COMMD10: variants seen among roughly 807,000 people sequenced by gnomAD.
The protein encoded by COMMD10 is COMM domain containing 10, also known as COMM domain-containing protein 10.
COMMD10 carries 33 observed loss-of-function variants against 28.9 expected under a neutral mutation model. The observed-to-expected ratio is 1.14, with a 90% CI of 0.87 to 1.53. The LOEUF (loss-of-function observed/expected upper bound fraction) is 1.53. Ranked by LOEUF, COMMD10 falls within the 40% of genes most tolerant of loss-of-function variation. The pLI is 0.00. For synonymous variants in COMMD10, 110 were observed against 81.7 expected, an observed-to-expected ratio of 1.35 and a Z score of -1.87; for missense variants, 310 against 233.4, an observed-to-expected ratio of 1.33 and a Z score of -2.14.
intron 5 of COMMD10, among the ~76,000 whole-genome samples, chr5:116,221,593 G>GA (rs1361144776): frequency 6.6e-6 from 1 of 152,184 alleles, no homozygotes; most frequent in Non-Finnish European, 1.5e-5. Context: ...ATGCTGTGAA[G>GA]AAAAGGTCTT....
At chr5:116,201,023 CA>C (rs1303508684) in intron 5 of COMMD10, among the ~76,000 whole-genome samples, 1 of 152,108 alleles carries the variant, frequency 6.6e-6, no homozygotes, top group Non-Finnish European at 1.5e-5. Context: ...CTGTGAATTT[CA>C]CAAGTGCTTC....
Position 116,138,263 on chromosome 5 carries a change from T to C in COMMD10, c.510+4085T>C, listed in dbSNP as rs536272339. On this transcript the variant is annotated intron_variant, in intron 5 of 6. Coordinates refer to ENST00000274458, the MANE Select transcript of COMMD10 (RefSeq NM_016144.4). The stretch of plus-strand genomic sequence containing the variant: ...GAAATATATTAAAAGCTTTCTACAT[T>C]ATTGACTTTTTTGTTACATTCTGTC... Among the ~76,000 whole-genome samples the C allele has an allele frequency of 4.6e-5, 7 of 152,016 alleles. No individual in the cohort carries two copies. The East Asian group carries it at 1.3e-3, about 29-fold the overall frequency.
In COMMD10 at chr5:116,292,455, A is replaced by G. The variant is rs148262275; in HGVS notation, c.575A>G (p.Glu192Gly). The part of the protein sequence containing the change: ...KELFDFYNKL[E>G]TIQAQLDSLT Reference sequence around the variant, plus strand: ...TTTTTTTGTCTTTGTAAATAGCTAGAGACTATACAAGCACAGCTGGATTCC... The same window carrying G: ...TTTTTTTGTCTTTGTAAATAGCTAGGGACTATACAAGCACAGCTGGATTCC... Residue 192 changes from glutamate (E) to glycine (G), a missense_variant, in exon 7 of 7, where the codon GAG (glutamate) becomes GGG (glycine). Glu to Gly is a moderately conservative substitution (Grantham distance 98). Coordinates refer to ENST00000274458, the MANE Select transcript of COMMD10 (RefSeq NM_016144.4). 18 of 1,545,562 alleles carry G rather than the reference A, an allele frequency of 1.2e-5. No individual in the cohort carries two copies. In the African/African-American group the frequency reaches 2.3e-4, roughly 20 times the overall value.
chr5:116,216,756 G>A (rs4513731), intron 5 of COMMD10, among the ~76,000 whole-genome samples: 2 of 151,906 alleles, frequency 1.3e-5, no homozygotes, highest in Non-Finnish European at 1.5e-5. Flanking sequence ...GGATGGTCTC[G>A]ATCTCTTGAC....
At chr5:116,274,628 C>G (rs532414148) in intron 5 of COMMD10, among the ~76,000 whole-genome samples, 2 of 151,902 alleles carry the variant, frequency 1.3e-5, no homozygotes, top group East Asian at 3.9e-4. Context: ...CAGTAACATT[C>G]TCATCATTGA....
chr5:116,234,619 G>C (rs1749614256), intron 5 of COMMD10, among the ~76,000 whole-genome samples: 1 of 152,178 alleles, frequency 6.6e-6, no homozygotes. Context: ...AGAAACCATT[G>C]AAGTGTCCAG....
intron 5 of COMMD10, among the ~76,000 whole-genome samples, chr5:116,209,786 A>G (rs1748912263): frequency 6.6e-6 from 1 of 152,108 alleles, no homozygotes; most frequent in African/African-American, 2.4e-5. Flanking sequence ...TTTTGGACAG[A>G]TCTATTTGGC....
At chr5:116,284,076 G>A (rs1234766875) in intron 5 of COMMD10, among the ~76,000 whole-genome samples, 1 of 151,788 alleles carries the variant, frequency 6.6e-6, no homozygotes, top group Non-Finnish European at 1.5e-5. Flanking sequence ...AGGCTGCAGT[G>A]AGCTGTGATT....
chr5:116,208,311 G>A (rs1237173385), intron 5 of COMMD10, among the ~76,000 whole-genome samples: 1 of 151,962 alleles, frequency 6.6e-6, no homozygotes, highest in East Asian at 1.9e-4. Flanking sequence ...GTAACCTTTG[G>A]AATACCCTCT....
At chr5:116,265,664 G>T (rs201601947) in intron 5 of COMMD10, among the ~76,000 whole-genome samples, 2 of 151,784 alleles carry the variant, frequency 1.3e-5, no homozygotes, top group East Asian at 3.9e-4. Flanking sequence ...AAATGATGAT[G>T]ATGACAGTGA....
chr5:116,121,598 A>G (rs1250662433), intron 4 of COMMD10, among the ~76,000 whole-genome samples: 3 of 152,218 alleles, frequency 2.0e-5, no homozygotes, highest in African/African-American at 7.2e-5. Flanking sequence ...ACTCCCACCA[A>G]CAGTGTAAAA....
intron 5 of COMMD10, among the ~76,000 whole-genome samples, chr5:116,275,711 A>C (rs1490186404): frequency 6.6e-6 from 1 of 151,712 alleles, no homozygotes; most frequent in Admixed American, 6.6e-5. Context: ...TTTGCACTCA[A>C]AGTAAGTATA....
intron 5 of COMMD10, chr5:116,218,344 A>C: frequency 1.5e-6 from 1 of 648,822 alleles, no homozygotes; most frequent in Non-Finnish European, 2.9e-6. Flanking sequence ...CGTAGGATGC[A>C]GAGGCATGTG....
chr5:116,179,156 A>G (rs1380368092), intron 5 of COMMD10, among the ~76,000 whole-genome samples: 1 of 152,148 alleles, frequency 6.6e-6, no homozygotes, highest in Non-Finnish European at 1.5e-5. Flanking sequence ...ACAATGTGTA[A>G]CTTTTATCTT....
At position 116,087,361 on chromosome 5, in the gene COMMD10, G is replaced by A. The variant is rs1474551208; in HGVS notation, c.42-136G>A. 6.7e-6 allele frequency: 4 copies of A among 592,854 alleles called. No homozygotes were observed. In the East Asian group the frequency reaches 1.1e-4, roughly 16 times the overall value. The allele number at this position is 592,854 out of a possible 1,614,324, so 36.7% of individuals were successfully genotyped here. A position where few individuals can be genotyped will look rare whatever the true frequency, so the allele number is the denominator to read the frequency against. On this transcript the variant is annotated intron_variant, in intron 1 of 6. Coordinates refer to ENST00000274458, the MANE Select transcript of COMMD10 (RefSeq NM_016144.4). ...CGTTGCCCTGCCTTTTTTGCTGGCT[G>A]TCATCTGTTTTTATTTCACTCAGAT...
chr5:116,230,459 A>G (rs1364027640), intron 5 of COMMD10, among the ~76,000 whole-genome samples: 1 of 152,000 alleles, frequency 6.6e-6, no homozygotes, highest in Non-Finnish European at 1.5e-5. Context: ...TATAACCAGG[A>G]CTTCACATAG....
chr5:116,095,190 A>G (rs1750428214), intron 4 of COMMD10, among the ~76,000 whole-genome samples: 1 of 152,260 alleles, frequency 6.6e-6, no homozygotes, highest in African/African-American at 2.4e-5. Flanking sequence ...TGTTCTGAAC[A>G]CACACAAATG....
chr5:116,248,122 T>C (rs1236964295), intron 5 of COMMD10, among the ~76,000 whole-genome samples: 5 of 138,952 alleles, frequency 3.6e-5, no homozygotes, highest in South Asian at 2.3e-4. Flanking sequence ...GTAGAAAATA[T>C]TGTGCTAAGC....
At chr5:116,092,851 C>T (rs1750345401) in intron 4 of COMMD10, 151 bp downstream of exon 4, 2 of 479,390 alleles carry the variant, frequency 4.2e-6, no homozygotes, top group Non-Finnish European at 7.2e-6. Context: ...GGCCTTACAT[C>T]CTGATAGACC....
Sources: allele counts gnomAD v4.1 joint callset (sites outside exome capture counted in the v4.1 genomes callset), GRCh38; gene constraint gnomAD v4.1.1; transcripts MANE v1.5; gene names NCBI Gene and HGNC (gene_info 2026-07-23, HGNC 2026-07-21).